Variants in ERBB2 observed in about 807,000 individuals in gnomAD.
The protein encoded by ERBB2 is receptor tyrosine-protein kinase erbB-2.
Under a neutral mutation model 149.0 loss-of-function variants are expected in ERBB2, and 61 were observed. The ratio of observed to expected loss-of-function variants is 0.41; its 90% confidence interval spans 0.33 to 0.51. ERBB2 has a LOEUF of 0.51. Among genes scored for constraint, ERBB2 ranks in the 20% least tolerant of loss-of-function variants. The pLI is 0.25. For synonymous variants in ERBB2, 633 were observed against 678.8 expected, an observed-to-expected ratio of 0.93 and a Z score of 1.05; for missense variants, 1,205 against 1,655.1, an observed-to-expected ratio of 0.73 and a Z score of 4.72.
chr17:39,712,737 GAAATAACTCA>G (rs2058883158), intron 9 of ERBB2, among the ~76,000 whole-genome samples: 1 of 152,172 alleles, frequency 6.6e-6, no homozygotes. Context: ...CCCCAAATTG[GAAATAACTCA>G]AATGTGCATC....
rs2058829206 is a variant in ERBB2 at position 39,712,044 on chromosome 17, C to T, written c.1018C>T (p.Arg340Ter). The T allele has an allele frequency of 6.2e-7, 1 of 1,613,862 alleles. No homozygotes were observed. The highest frequency in any genetic ancestry group is 8.5e-7 in the Non-Finnish European group (1 of 1,179,980). ...RCEKCSKPCA[R>*]VCYGLGMEHL... is the part of the protein sequence containing the mutation. ...TGAGAAGTGCAGCAAGCCCTGTGCC[C>T]GAGGTACCCACTCACTGCCCCCGAG... Residue 340 changes from arginine (R) to a stop codon, truncating the protein, a stop_gained, in exon 8 of 27, where the codon CGA becomes TGA. Coordinates refer to ENST00000269571, the MANE Select transcript of ERBB2 (RefSeq NM_004448.4). LOFTEE classifies it high-confidence loss of function.
rs1161929692 is a variant in ERBB2 at position 39,710,426 on chromosome 17, G to A, written c.846G>A (p.Met282Ile). The change falls in exon 7 of 27, where the codon ATG (methionine) becomes ATA (isoleucine). Residue 282 changes from methionine to isoleucine, a missense_variant. Met to Ile is a conservative substitution (Grantham distance 10). Transcript: ENST00000269571. ...ACAACACAGACACGTTTGAGTCCAT[G>A]CCCAATCCCGAGGGCCGGTATACAT... is the stretch of plus-strand genomic sequence containing the variant. ...VTYNTDTFESMPNPEGRYTFG... is the reference protein window; with the variant it reads ...VTYNTDTFESIPNPEGRYTFG... 6.2e-7 allele frequency: 1 copy of A among 1,614,076 alleles called. No individual in the cohort carries two copies. The highest frequency in any genetic ancestry group is 1.1e-5 in the South Asian group (1 of 91,088).
rs1407484778 is a variant in ERBB2 at position 39,727,221 on chromosome 17, C to T, written c.3160-74C>T. 1.9e-6 allele frequency: 3 copies of T among 1,551,582 alleles called. No homozygotes were observed. The highest frequency in any genetic ancestry group is 1.2e-5 in the South Asian group (1 of 86,646). On this transcript the variant is annotated intron_variant, in intron 25 of 26. Coordinates refer to ENST00000269571, the MANE Select transcript of ERBB2 (RefSeq NM_004448.4). The surrounding 1 kb of genome is among the most constrained non-coding windows in gnomAD (Gnocchi z 4.3). ...GTGACCTCTGTTTTTCTCCTGTGAC[C>T]CTGTCACCTTCCATGGAGTCCCCAT...
rs369214536 is a variant in ERBB2 at position 39,728,061 on chromosome 17, C to T, written c.*17C>T. 438 of 1,535,394 alleles carry T rather than the reference C, an allele frequency of 2.9e-4. No individual in the cohort carries two copies. Among genetic ancestry groups the T allele is most frequent in the Non-Finnish European group, 3.7e-4 (414 of 1,133,354 alleles). On this transcript the variant is annotated 3_prime_UTR_variant, in exon 27 of 27. Coordinates refer to ENST00000269571, the MANE Select transcript of ERBB2 (RefSeq NM_004448.4). ...CCAGTGTGAACCAGAAGGCCAAGTC[C>T]GCAGAAGCCCTGATGTGTCCTCAGG...
intron 15 of ERBB2, among the ~76,000 whole-genome samples, chr17:39,719,409 G>A (rs192928558): frequency 2.0e-4 from 31 of 152,342 alleles, no homozygotes; most frequent in Admixed American, 1.8e-3. Context: ...TATATTCAGA[G>A]GAGGAACTGC....
rs771381389 is a variant in ERBB2 at position 39,723,678 on chromosome 17, G to C, written c.2208+18G>C. 1.1e-5 allele frequency: 18 copies of C among 1,595,096 alleles called. No individual in the cohort carries two copies. The highest frequency in any genetic ancestry group is 1.8e-5 in the Admixed American group (1 of 56,742). On this transcript the variant is annotated intron_variant, in intron 18 of 26. Transcript: ENST00000269571. This position sits in a 1 kb window ranked among gnomAD's most constrained non-coding sequence, Gnocchi z 6.2. ...TCTACAAGGTCAGGGCCAGGTCCTG[G>C]GGTGGGCGGCCCCAGAGGATGGGGG...
Position 39,709,387 on chromosome 17 carries a change from A to T in ERBB2, c.509A>T (p.Lys170Met). ...QLCYQDTILW[K>M]DIFHKNNQLA... ...TGCTACCAGGACACGATTTTGTGGA[A>T]GGACATCTTCCACAAGAACAACCAG... Residue 170 changes from lysine to methionine, a missense_variant, in exon 4 of 27, where the codon AAG becomes ATG. By Grantham distance (95) the Lys-to-Met change is moderately conservative. Transcript: ENST00000269571. The T allele has an allele frequency of 6.2e-7, 1 of 1,614,106 alleles. No individual in the cohort carries two copies. The highest frequency in any genetic ancestry group is 8.5e-7 in the Non-Finnish European group (1 of 1,179,990).
intron 19 of ERBB2, 131 bp downstream of exon 19, chr17:39,724,141 C>T (rs1275448419): frequency 1.7e-5 from 11 of 636,302 alleles, no homozygotes; most frequent in South Asian, 7.9e-5. Flanking sequence ...TTTTTGGAGA[C>T]GGAGTCTTGC....
rs762553217 is a variant in ERBB2, at chr17:39,726,933, T to C, written c.3089T>C (p.Phe1030Ser). ...AEEYLVPQQG[F>S]FCPDPAPGAG... Reference sequence around the variant, plus strand: ...GAGTATCTGGTACCCCAGCAGGGCTTCTTCTGTCCAGACCCTGCCCCGGGC... The same window carrying C: ...GAGTATCTGGTACCCCAGCAGGGCTCCTTCTGTCCAGACCCTGCCCCGGGC... The change falls in exon 25 of 27, where the codon TTC becomes TCC. Residue 1030 changes from phenylalanine to serine, a missense_variant. This residue lies in a region of ERBB2 where 312 missense variants were observed against 343.8 expected (regional missense o/e 0.91). Transcript: ENST00000269571. This position sits in a 1 kb window ranked among gnomAD's most constrained non-coding sequence, Gnocchi z 5.1. 1 of 1,613,740 alleles carries C rather than the reference T, an allele frequency of 6.2e-7. No homozygotes were observed. Among genetic ancestry groups the C allele is most frequent in the Non-Finnish European group, 8.5e-7 (1 of 1,179,928 alleles).
upstream of ERBB2, among the ~76,000 whole-genome samples, chr17:39,694,226 A>AATATATAT (rs1417710622): frequency 9.2e-4 from 17 of 18,528 alleles, no homozygotes; most frequent in East Asian, 1.4e-3. Context: ...AAAAAAAAAA[A>AATATATAT]ATATATATAT....
intron 7 of ERBB2, 62 bp downstream of exon 7, chr17:39,710,543 G>A (rs2058736155): frequency 6.4e-7 from 1 of 1,572,254 alleles, no homozygotes; most frequent in Non-Finnish European, 8.7e-7. Flanking sequence ...TCTGTAAATG[G>A]GAGCATATGG....
chr17:39,711,854 T>C, intron 7 of ERBB2, 74 bp from the exon 8 acceptor site: 13 of 1,586,440 alleles, frequency 8.2e-6, no homozygotes, highest in Non-Finnish European at 1.1e-5. Flanking sequence ...TTCTTGTGCC[T>C]GGGCACGGTA....
chr17:39,694,294 T>C (rs1347819371), upstream of ERBB2, among the ~76,000 whole-genome samples: 30 of 52,892 alleles, frequency 5.7e-4, 3 homozygotes, highest in South Asian at 9.8e-3. Context: ...TATATACACA[T>C]ATATATGTGT....
rs531878988 is a variant in ERBB2, at chr17:39,718,396, G to A, written c.1898+916G>A. Among the ~76,000 whole-genome samples the A allele has an allele frequency of 1.7e-4, 26 of 152,242 alleles. 1 individual carries two copies. The South Asian group carries it at 2.1e-3, about 12-fold the overall frequency. On this transcript the variant is annotated intron_variant, in intron 15 of 26. Transcript: ENST00000269571. ...TCTCCTGTCTGCTGGGAGAACCACC[G>A]CATTGACTTGTGTGTTCACCCTTCC...
intron 2 of ERBB2, 33 bp downstream of exon 2, chr17:39,707,174 C>A (rs775914701): frequency 4.0e-6 from 6 of 1,517,270 alleles, no homozygotes; most frequent in Non-Finnish European, 5.3e-6. Flanking sequence ...CCAGGCCCTG[C>A]CTCCAGCTGG....
At chr17:39,692,165 A>C (rs1378261868), upstream of ERBB2, among the ~76,000 whole-genome samples, 1 of 151,476 alleles carries the variant, frequency 6.6e-6, no homozygotes, top group African/African-American at 2.4e-5. Flanking sequence ...AATATTTTTG[A>C]TAAGTATCAA....
intron 8 of ERBB2, 32 bp from the exon 9 acceptor site, chr17:39,712,290 G>A (rs907714582): frequency 2.5e-6 from 4 of 1,612,620 alleles, no homozygotes; most frequent in East Asian, 2.2e-5. Context: ...AGGCTGAGAC[G>A]GCCCCTTCCC....
At chr17:39,695,816 C>G (rs2057851716), upstream of ERBB2, among the ~76,000 whole-genome samples, 1 of 148,744 alleles carries the variant, frequency 6.7e-6, no homozygotes, top group Non-Finnish European at 1.5e-5. Context: ...ATTTCACAGG[C>G]CGCTGGTTGC....
chr17:39,709,261 G>T (rs2145465885), intron 3 of ERBB2, 57 bp from the exon 4 acceptor site: 1 of 1,605,092 alleles, frequency 6.2e-7, no homozygotes, highest in South Asian at 1.1e-5. Flanking sequence ...AGGGCCCCAA[G>T]GGAAGCAGAA....
Sources: allele counts gnomAD v4.1 joint callset (sites outside exome capture counted in the v4.1 genomes callset), GRCh38; gene constraint gnomAD v4.1.1; regional missense constraint gnomAD v4.1.1; non-coding constraint Gnocchi (gnomAD v3.1); transcripts MANE v1.5; gene names NCBI Gene and HGNC (gene_info 2026-07-23, HGNC 2026-07-21).